Variants in DACH1 observed in about 807,000 individuals in gnomAD.
DACH1 encodes dachshund homolog 1.
DACH1 carries 12 observed loss-of-function variants against 54.2 expected under a neutral mutation model. The observed-to-expected ratio is 0.22, with a 90% CI of 0.14 to 0.36. The LOEUF (loss-of-function observed/expected upper bound fraction) is 0.36. DACH1 is among the 10% of genes least tolerant of loss of function. DACH1 has a pLI of 1.00. For missense variants in DACH1, 805 were observed against 929.8 expected, an observed-to-expected ratio of 0.87 and a Z score of 1.75; for synonymous variants, 386 against 366.2, an observed-to-expected ratio of 1.05 and a Z score of -0.62.
intron 1 of DACH1, among the ~76,000 whole-genome samples, chr13:71,812,002 A>C (rs1368535825): frequency 6.6e-6 from 1 of 152,136 alleles, no homozygotes; most frequent in Non-Finnish European, 1.5e-5. Flanking sequence ...AAATCTTTTA[A>C]AAACTGACTT....
chr13:71,776,826 T>A (rs918140096), intron 1 of DACH1, among the ~76,000 whole-genome samples: 7 of 152,058 alleles, frequency 4.6e-5, no homozygotes, highest in Non-Finnish European at 1.5e-5. Flanking sequence ...TCACTGGTAA[T>A]TTTTTTCTTT....
chr13:71,837,830 AATG>A (rs1332723970), intron 1 of DACH1, among the ~76,000 whole-genome samples: 1 of 150,304 alleles, frequency 6.7e-6, no homozygotes. Flanking sequence ...AGCCATAAAA[AATG>A]ATGAGTTCAT....
At chr13:71,721,916 T>C (rs1435020683) in intron 1 of DACH1, among the ~76,000 whole-genome samples, 1 of 152,134 alleles carries the variant, frequency 6.6e-6, no homozygotes, top group African/African-American at 2.4e-5. Context: ...GAAGCTTTAA[T>C]AATCCTTTTG....
At chr13:71,717,985 C>T (rs2138794685) in intron 1 of DACH1, among the ~76,000 whole-genome samples, 1 of 152,038 alleles carries the variant, frequency 6.6e-6, no homozygotes, top group African/African-American at 2.4e-5. Context: ...CTCATTTGGT[C>T]TTTTGCTACC....
chr13:71,459,160 T>C (rs771411461), intron 10 of DACH1, among the ~76,000 whole-genome samples: 1 of 151,940 alleles, frequency 6.6e-6, no homozygotes, highest in Non-Finnish European at 1.5e-5. Flanking sequence ...TAACTTTTAA[T>C]GCAGTACTTT....
chr13:71,572,309 T>C (rs1157647657), intron 4 of DACH1, among the ~76,000 whole-genome samples: 1 of 152,190 alleles, frequency 6.6e-6, no homozygotes, highest in Non-Finnish European at 1.5e-5. Context: ...TATGCACATA[T>C]GAAGTTTATA....
chr13:71,463,629 G>C (rs990842164), intron 10 of DACH1, among the ~76,000 whole-genome samples: 11 of 151,916 alleles, frequency 7.2e-5, no homozygotes, highest in African/African-American at 2.7e-4. Context: ...ATGTACCTCA[G>C]TTTCGTCAAA....
At chr13:71,526,872 G>A (rs906915494) in intron 6 of DACH1, among the ~76,000 whole-genome samples, 2 of 151,798 alleles carry the variant, frequency 1.3e-5, no homozygotes, top group East Asian at 3.9e-4. Flanking sequence ...TTTCTTCTCA[G>A]TGAAGTCTTC....
chr13:71,588,985 C>A (rs1158359317), intron 3 of DACH1, among the ~76,000 whole-genome samples: 1 of 151,852 alleles, frequency 6.6e-6, no homozygotes, highest in African/African-American at 2.4e-5. Flanking sequence ...AGACATATTA[C>A]CATTATTAGC....
chr13:71,570,789 T>C (rs904426116), intron 4 of DACH1, among the ~76,000 whole-genome samples: 7 of 152,154 alleles, frequency 4.6e-5, no homozygotes, highest in Non-Finnish European at 1.0e-4. Flanking sequence ...AATCATTGAG[T>C]CCTGAATTAT....
At chr13:71,609,933 C>T (rs565572080) in intron 3 of DACH1, among the ~76,000 whole-genome samples, 3 of 152,188 alleles carry the variant, frequency 2.0e-5, no homozygotes, top group African/African-American at 7.2e-5. Context: ...TAAAAATATA[C>T]TTACAGAAAC....
At position 71,796,405 on chromosome 13, in the gene DACH1, T is replaced by C. The variant is rs185189751; in HGVS notation, c.848+69517A>G. Among the ~76,000 whole-genome samples the C allele has an allele frequency of 3.9e-5, 6 of 152,222 alleles. No individual in the cohort carries two copies. In the East Asian group the frequency reaches 9.6e-4, roughly 24 times the overall value. ...TACTTTTCTTCTTTTCAATAACACA[T>C]AGTATATTATACTATCACTTCTACA... On this transcript the variant is annotated intron_variant, in intron 1 of 10. Transcript: ENST00000613252.
intron 10 of DACH1, among the ~76,000 whole-genome samples, chr13:71,452,725 C>T (rs1046199615): frequency 6.6e-6 from 1 of 152,162 alleles, no homozygotes; most frequent in Non-Finnish European, 1.5e-5. Context: ...AGGGTGTGGA[C>T]ATTAGCTAGA....
intron 6 of DACH1, among the ~76,000 whole-genome samples, chr13:71,533,112 C>T (rs975783253): frequency 6.6e-6 from 1 of 151,270 alleles, no homozygotes; most frequent in African/African-American, 2.4e-5. Flanking sequence ...AAAAACAAAT[C>T]AGGAGAGATA....
At chr13:71,794,638 A>C (rs979082193) in intron 1 of DACH1, among the ~76,000 whole-genome samples, 2 of 152,128 alleles carry the variant, frequency 1.3e-5, no homozygotes, top group Non-Finnish European at 2.9e-5. Flanking sequence ...GGGTTTCACC[A>C]TGTTGGCCAG....
At chr13:71,713,423 T>G (rs1882823566) in intron 1 of DACH1, among the ~76,000 whole-genome samples, 1 of 152,136 alleles carries the variant, frequency 6.6e-6, no homozygotes, top group African/African-American at 2.4e-5. Context: ...TCTCTTATAA[T>G]TATATCACTA....
At chr13:71,620,136 T>G (rs1040478683) in intron 3 of DACH1, among the ~76,000 whole-genome samples, 4 of 151,954 alleles carry the variant, frequency 2.6e-5, no homozygotes, top group African/African-American at 9.7e-5. Flanking sequence ...TATTATCTGA[T>G]AGACCCATTG....
At chr13:71,716,973 T>A (rs1010498461) in intron 1 of DACH1, among the ~76,000 whole-genome samples, 1 of 152,156 alleles carries the variant, frequency 6.6e-6, no homozygotes, top group Admixed American at 6.6e-5. Context: ...ACTATTTTTT[T>A]AAAGTATACA....
intron 6 of DACH1, among the ~76,000 whole-genome samples, chr13:71,542,243 C>T (rs187447573): frequency 9.1e-4 from 138 of 151,660 alleles, no homozygotes; most frequent in Non-Finnish European, 1.6e-3. Context: ...AGCGAAACTC[C>T]GTCTCAAATA....
Sources: allele counts gnomAD v4.1 joint callset (sites outside exome capture counted in the v4.1 genomes callset), GRCh38; gene constraint gnomAD v4.1.1; transcripts MANE v1.5; gene names NCBI Gene and HGNC (gene_info 2026-07-23, HGNC 2026-07-21).